The following RAP1GAP2 variants were observed in gnomAD, a reference collection of about 807,000 sequenced individuals.
The protein encoded by RAP1GAP2 is RAP1 GTPase activating protein 2.
A neutral mutation model predicts 95.0 loss-of-function variants in RAP1GAP2; 27 were observed. The ratio of observed to expected loss-of-function variants is 0.28; its 90% CI spans 0.21 to 0.39. The LOEUF is 0.39. Ranked by LOEUF, RAP1GAP2 falls within the 10% of genes least tolerant of loss-of-function variation. The pLI, the probability that RAP1GAP2 is intolerant of heterozygous loss-of-function variation, is 1.00. For synonymous variants in RAP1GAP2, 373 were observed against 380.9 expected (o/e 0.98, Z 0.24); for missense variants, 771 against 970.0 (o/e 0.79, Z 2.72).
intron 2 of RAP1GAP2, among the ~76,000 whole-genome samples, chr17:2,899,601 C>G (rs185239002): frequency 1.3e-5 from 2 of 152,078 alleles, no homozygotes; most frequent in Non-Finnish European, 2.9e-5. Flanking sequence ...ACCTCTGTCT[C>G]CCAGGTTCAA....
chr17:2,964,114 G>A, intron 7 of RAP1GAP2, 46 bp downstream of exon 7: 1 of 1,525,638 alleles, frequency 6.6e-7, no homozygotes, highest in East Asian at 2.3e-5. Context: ...GGCAGAGGCT[G>A]GGGACGCTGG....
chr17:2,811,347 C>T (rs147923866), intron 2 of RAP1GAP2, among the ~76,000 whole-genome samples: 9 of 152,270 alleles, frequency 5.9e-5, no homozygotes, highest in Non-Finnish European at 8.8e-5. Context: ...TGCTAACTTG[C>T]GATAGGACAA....
chr17:3,015,360 C>T (rs570512335), intron 17 of RAP1GAP2, among the ~76,000 whole-genome samples: 22 of 152,266 alleles, frequency 1.4e-4, no homozygotes, highest in African/African-American at 4.8e-4. Flanking sequence ...CCTGAGTCTG[C>T]ATCCCTTGTC....
intron 3 of RAP1GAP2, among the ~76,000 whole-genome samples, chr17:2,951,247 T>C (rs2043913215): frequency 6.6e-6 from 1 of 152,220 alleles, no homozygotes; most frequent in African/African-American, 2.4e-5. Flanking sequence ...GCTTCTCTTT[T>C]CTGTCTTTGC....
intron 3 of RAP1GAP2, among the ~76,000 whole-genome samples, chr17:2,912,034 C>T (rs537156482): frequency 2.6e-5 from 4 of 152,304 alleles, no homozygotes; most frequent in Admixed American, 6.5e-5. Context: ...GGATAATGTG[C>T]GCTTGGAGTT....
intron 3 of RAP1GAP2, among the ~76,000 whole-genome samples, chr17:2,931,340 G>A (rs1330034014): frequency 1.3e-5 from 2 of 150,392 alleles, no homozygotes; most frequent in Non-Finnish European, 2.9e-5. Context: ...TGAATGTTGT[G>A]GTTAGTTCTT....
intron 3 of RAP1GAP2, among the ~76,000 whole-genome samples, chr17:2,911,260 A>T (rs1324830494): frequency 2.1e-4 from 28 of 131,994 alleles, no homozygotes; most frequent in Admixed American, 4.9e-4. Flanking sequence ...TTTGAAGGGG[A>T]TTTTTTTTTT....
Position 3,027,090 on chromosome 17 carries a change from G to C in RAP1GAP2, c.2107+20G>C. 6.4e-7 allele frequency: 1 copy of C among 1,561,862 alleles called. No homozygotes were observed. Among genetic ancestry groups the C allele is most frequent in the South Asian group, 1.2e-5 (1 of 84,152 alleles). On this transcript the variant is annotated intron_variant, in intron 22 of 24. Coordinates refer to ENST00000254695, the MANE Select transcript of RAP1GAP2 (RefSeq NM_015085.5). This position sits in a 1 kb window ranked among gnomAD's most constrained non-coding sequence, Gnocchi z 5.2. ...CCACAGGTCAGTGGCATCTGGTGGT[G>C]TGTGTGACGTCACCAGGAGGGCAGG...
intron 1 of RAP1GAP2, among the ~76,000 whole-genome samples, chr17:2,798,246 C>T (rs938308169): frequency 6.6e-6 from 1 of 152,172 alleles, no homozygotes; most frequent in Non-Finnish European, 1.5e-5. Flanking sequence ...TCCCAGACGC[C>T]CTTGTGTGCT....
intron 2 of RAP1GAP2, among the ~76,000 whole-genome samples, chr17:2,824,171 GGT>G (rs1156701850): frequency 1.3e-5 from 2 of 150,834 alleles, no homozygotes; most frequent in Non-Finnish European, 2.9e-5. Context: ...ACATGGGCCA[GGT>G]GTGGTGGCTC....
intron 3 of RAP1GAP2, among the ~76,000 whole-genome samples, chr17:2,922,969 C>T (rs1373880403): frequency 4.0e-5 from 6 of 151,600 alleles, no homozygotes; most frequent in Non-Finnish European, 5.9e-5. Context: ...CCCTCTGCCT[C>T]CCAGGCTCCA....
At chr17:2,765,697 C>T (rs957709127) in intron 1 of RAP1GAP2, among the ~76,000 whole-genome samples, 5 of 150,860 alleles carry the variant, frequency 3.3e-5, no homozygotes, top group African/African-American at 4.9e-5. Flanking sequence ...GAGCTGAGAT[C>T]GCGCCACTGC....
At chr17:2,945,057 A>G (rs2151440284) in intron 3 of RAP1GAP2, among the ~76,000 whole-genome samples, 1 of 151,996 alleles carries the variant, frequency 6.6e-6, no homozygotes, top group East Asian at 1.9e-4. Flanking sequence ...TTGTATTTTT[A>G]GTAGAGACGA....
At chr17:2,833,976 G>A (rs563815748) in intron 2 of RAP1GAP2, among the ~76,000 whole-genome samples, 6 of 152,182 alleles carry the variant, frequency 3.9e-5, no homozygotes, top group South Asian at 2.1e-4. Flanking sequence ...TGTGTCCTGC[G>A]TGCTGTACCC....
At chr17:2,848,733 C>T (rs562832665) in intron 2 of RAP1GAP2, among the ~76,000 whole-genome samples, 8 of 152,174 alleles carry the variant, frequency 5.3e-5, no homozygotes, top group South Asian at 2.1e-4. Flanking sequence ...AGGCTGGTCT[C>T]GAACTCCTGG....
chr17:2,761,021 C>T (rs999255231), intron 1 of RAP1GAP2, among the ~76,000 whole-genome samples: 1 of 151,706 alleles, frequency 6.6e-6, no homozygotes, highest in East Asian at 2.0e-4. Flanking sequence ...ATGGTGTGAT[C>T]TCTGCACACT....
chr17:2,988,195 C>T (rs1011295489), intron 11 of RAP1GAP2, among the ~76,000 whole-genome samples: 10 of 144,528 alleles, frequency 6.9e-5, no homozygotes, highest in South Asian at 2.3e-4. Context: ...GAGCAACGAG[C>T]GAAACTCCAT....
intron 2 of RAP1GAP2, among the ~76,000 whole-genome samples, chr17:2,886,545 C>T (rs2073511974): frequency 6.6e-6 from 1 of 152,132 alleles, no homozygotes; most frequent in Non-Finnish European, 1.5e-5. Flanking sequence ...CCCTTTGTAA[C>T]AATCCAAGAA....
intron 2 of RAP1GAP2, among the ~76,000 whole-genome samples, chr17:2,801,770 C>T (rs141716552): frequency 1.4e-4 from 21 of 152,160 alleles, no homozygotes; most frequent in Non-Finnish European, 2.5e-4. Flanking sequence ...CTCGGTTTAC[C>T]GTGTATCTCT....
Sources: allele counts gnomAD v4.1 joint callset (sites outside exome capture counted in the v4.1 genomes callset), GRCh38; gene constraint gnomAD v4.1.1; non-coding constraint Gnocchi (gnomAD v3.1); transcripts MANE v1.5; gene names NCBI Gene and HGNC (gene_info 2026-07-23, HGNC 2026-07-21).